The following NTM variants were observed in gnomAD, a reference collection of about 807,000 sequenced individuals.
NTM encodes neurotrimin.
In NTM, 13 loss-of-function variants were observed where a neutral mutation model predicts 42.1. That is an observed-to-expected ratio of 0.31 (90% CI 0.20 to 0.49). NTM has a LOEUF of 0.49. NTM is among the 20% of genes least tolerant of loss of function. The pLI is 0.99. For synonymous variants in NTM, 187 were observed against 179.2 expected, an observed-to-expected ratio of 1.04 and a Z score of -0.35; for missense variants, 373 against 452.8, an observed-to-expected ratio of 0.82 and a Z score of 1.60.
At chr11:131,656,087 G>A (rs779323032) in intron 1 of NTM, among the ~76,000 whole-genome samples, 6 of 152,164 alleles carry the variant, frequency 3.9e-5, no homozygotes, top group Non-Finnish European at 8.8e-5. Context: ...CATTTTCCTG[G>A]GCCTCAGTAC....
chr11:131,614,948 C>A (rs543592061), intron 1 of NTM, among the ~76,000 whole-genome samples: 2 of 152,278 alleles, frequency 1.3e-5, no homozygotes, highest in African/African-American at 4.8e-5. Flanking sequence ...CAAGCTCATG[C>A]CCCCTCCATT....
At chr11:131,470,787 G>A (rs969588672) in intron 1 of NTM, among the ~76,000 whole-genome samples, 2 of 152,188 alleles carry the variant, frequency 1.3e-5, no homozygotes, top group African/African-American at 4.8e-5. Flanking sequence ...GGGGAAGGGA[G>A]AGGTGAGAGA....
At chr11:131,899,454 A>G (rs1042325206) in intron 1 of NTM, among the ~76,000 whole-genome samples, 6 of 152,186 alleles carry the variant, frequency 3.9e-5, no homozygotes, top group Admixed American at 3.3e-4. Context: ...GAAGGGCGAG[A>G]TAAGCATAAT....
At chr11:132,108,905 C>G (rs7103218) in intron 2 of NTM, among the ~76,000 whole-genome samples, 20,983 of 152,016 alleles carry the variant, frequency 0.14, 1,525 homozygotes, top group Middle Eastern at 0.17. Context: ...CTCCTTGTGT[C>G]CATGTGTTCT....
At chr11:132,157,126 A>G (rs2073353401) in intron 3 of NTM, among the ~76,000 whole-genome samples, 2 of 152,224 alleles carry the variant, frequency 1.3e-5, no homozygotes, top group Non-Finnish European at 1.5e-5. Flanking sequence ...CTCCAGAATC[A>G]TCAAAGAATC....
At chr11:132,161,720 A>G (rs2074336025) in intron 3 of NTM, among the ~76,000 whole-genome samples, 1 of 151,860 alleles carries the variant, frequency 6.6e-6, no homozygotes, top group African/African-American at 2.4e-5. Context: ...CCCCGTGCGC[A>G]GCCCTGTGCA....
At chr11:132,016,737 TTG>T (rs1416088284) in intron 2 of NTM, among the ~76,000 whole-genome samples, 1 of 152,008 alleles carries the variant, frequency 6.6e-6, no homozygotes. Flanking sequence ...TCCAAAGTGG[TTG>T]TAACATTTTA....
intron 1 of NTM, among the ~76,000 whole-genome samples, chr11:131,839,221 C>G (rs1592201374): frequency 6.6e-6 from 1 of 152,140 alleles, no homozygotes; most frequent in East Asian, 1.9e-4. Flanking sequence ...CTCGGCCTCC[C>G]AAAGTGCCGG....
intron 1 of NTM, among the ~76,000 whole-genome samples, chr11:131,707,512 G>A (rs1010036510): frequency 6.6e-5 from 10 of 152,058 alleles, no homozygotes; most frequent in Non-Finnish European, 1.5e-4. Flanking sequence ...TATATTCCCA[G>A]AAGTGGAATT....
At chr11:131,513,146 G>A (rs569311590) in intron 1 of NTM, among the ~76,000 whole-genome samples, 11 of 152,298 alleles carry the variant, frequency 7.2e-5, no homozygotes, top group South Asian at 2.1e-4. Context: ...CTGTGTGAAC[G>A]CGTAAGCTGT....
intron 1 of NTM, among the ~76,000 whole-genome samples, chr11:131,405,700 T>A: frequency 6.6e-6 from 1 of 152,156 alleles, no homozygotes; most frequent in Non-Finnish European, 1.5e-5. Flanking sequence ...TTTCCAAGCA[T>A]ACATCCAATT....
rs79196714 is a variant in NTM, at chr11:131,863,708, C to G, written c.83-47856C>G. On this transcript the variant is annotated intron_variant, in intron 1 of 8. Coordinates refer to ENST00000683400, the MANE Select transcript of NTM (RefSeq NM_001352005.2). ...AGCGGGATATGGAGAAACATGAGCA[C>G]AGACTCAGGTCCCTCCCTCCTCCCA... Among the ~76,000 whole-genome samples, 1,341 of 152,290 alleles carry G rather than the reference C, an allele frequency of 8.8e-3. 7 individuals are homozygous for G. The highest frequency in any genetic ancestry group is 0.014 in the Non-Finnish European group (966 of 68,030).
At chr11:131,905,347 C>T (rs1332678959) in intron 1 of NTM, among the ~76,000 whole-genome samples, 2 of 152,152 alleles carry the variant, frequency 1.3e-5, no homozygotes, top group Non-Finnish European at 2.9e-5. Flanking sequence ...CACACAATGT[C>T]GATGGCATTA....
intron 2 of NTM, among the ~76,000 whole-genome samples, chr11:132,139,560 T>A (rs1313584903): frequency 3.3e-5 from 5 of 152,210 alleles, no homozygotes; most frequent in Admixed American, 3.3e-4. Context: ...GGTGTGCTTA[T>A]GGAGAATTTT....
At chr11:132,290,920 A>G (rs1001585132) in intron 4 of NTM, among the ~76,000 whole-genome samples, 10 of 152,184 alleles carry the variant, frequency 6.6e-5, no homozygotes, top group Admixed American at 5.2e-4. Context: ...ATGACAAAAG[A>G]TAAGATGACG....
At chr11:132,312,609 C>T (rs2095312562) in intron 6 of NTM, 1 of 154,968 alleles carries the variant, frequency 6.5e-6, no homozygotes. Flanking sequence ...TAGCTAAAGA[C>T]ATTTCAGAGC....
chr11:131,938,094 G>A (rs774618982), intron 2 of NTM, among the ~76,000 whole-genome samples: 2 of 152,180 alleles, frequency 1.3e-5, no homozygotes, highest in Non-Finnish European at 2.9e-5. Flanking sequence ...ATTGTAAGTG[G>A]TCAGGGTACA....
intron 1 of NTM, among the ~76,000 whole-genome samples, chr11:131,448,728 C>T (rs1950254809): frequency 2.0e-5 from 3 of 152,154 alleles, no homozygotes. Flanking sequence ...GAGAAGGCCT[C>T]GAAGTCCAGC....
chr11:132,318,757 C>T (rs1037535834), intron 7 of NTM, among the ~76,000 whole-genome samples: 1 of 152,148 alleles, frequency 6.6e-6, no homozygotes, highest in African/African-American at 2.4e-5. Context: ...CATCCCAATC[C>T]CCTGACCTCC....
Sources: allele counts gnomAD v4.1 joint callset (sites outside exome capture counted in the v4.1 genomes callset), GRCh38; gene constraint gnomAD v4.1.1; transcripts MANE v1.5; gene names NCBI Gene and HGNC (gene_info 2026-07-23, HGNC 2026-07-21).